ZC3H11A: variants seen among roughly 807,000 people sequenced by gnomAD.
ZC3H11A encodes the protein zinc finger CCCH-type containing 11A.
In ZC3H11A, 22 loss-of-function variants were observed where a neutral mutation model predicts 90.8. The observed-to-expected ratio is 0.24, with a 90% CI of 0.17 to 0.35. The LOEUF is 0.35. Ranked by LOEUF, ZC3H11A falls within the 10% of genes least tolerant of loss-of-function variation. The pLI is 1.00. For missense variants in ZC3H11A, 701 were observed against 964.9 expected, an observed-to-expected ratio of 0.73 and a Z score of 3.62; for synonymous variants, 294 against 339.8, an observed-to-expected ratio of 0.87 and a Z score of 1.48.
At chr1:203,830,878 C>T (rs1682035420) in intron 8 of ZC3H11A, among the ~76,000 whole-genome samples, 1 of 139,126 alleles carries the variant, frequency 7.2e-6, no homozygotes, top group South Asian at 2.3e-4. Context: ...CTAGGATTTT[C>T]TTCTGGAGCT....
intron 2 of ZC3H11A, among the ~76,000 whole-genome samples, chr1:203,810,329 A>G (rs747735280): frequency 1.3e-5 from 2 of 151,956 alleles, no homozygotes; most frequent in African/African-American, 2.4e-5. Context: ...TGAAAGTTAC[A>G]GAAGCTTAGT....
chr1:203,822,042 C>T (rs1254021151), intron 4 of ZC3H11A, among the ~76,000 whole-genome samples: 1 of 152,042 alleles, frequency 6.6e-6, no homozygotes, highest in Non-Finnish European at 1.5e-5. Flanking sequence ...CAGGTGTGAG[C>T]CACCGTGCCT....
intron 2 of ZC3H11A, among the ~76,000 whole-genome samples, chr1:203,812,930 T>C (rs1675011936): frequency 6.6e-6 from 1 of 152,202 alleles, no homozygotes; most frequent in Non-Finnish European, 1.5e-5. Flanking sequence ...TGATGCATGA[T>C]GTTGGGCAAG....
intron 1 of ZC3H11A, chr1:203,796,477 C>G (rs556616966): frequency 2.5e-6 from 1 of 399,038 alleles, no homozygotes; most frequent in Non-Finnish European, 4.4e-6. Context: ...ATGAAGAACA[C>G]CCCTAAACTC....
chr1:203,840,349 T>C lies in ZC3H11A; in HGVS notation c.1017T>C (p.Ala339=). ...TTAAGGAGCGATTAGGCATGTCAGCTGATCCAGATAATGAGGATGCAACAG... is the reference window on the plus strand; with the variant it reads ...TTAAGGAGCGATTAGGCATGTCAGCCGATCCAGATAATGAGGATGCAACAG... ...KSLKERLGMS[A]DPDNEDATDK... Residue 339 remains alanine, a synonymous_variant, in exon 12 of 18, where the codon GCT becomes GCC. Coordinates refer to ENST00000367210, the MANE Select transcript of ZC3H11A (RefSeq NM_001376342.1). The C allele has an allele frequency of 6.2e-7, 1 of 1,613,384 alleles. No individual in the cohort carries two copies. The highest frequency in any genetic ancestry group is 1.7e-5 in the Admixed American group (1 of 59,978).
intron 4 of ZC3H11A, among the ~76,000 whole-genome samples, chr1:203,826,113 T>C (rs1680429459): frequency 1.3e-5 from 2 of 152,216 alleles, no homozygotes; most frequent in African/African-American, 4.8e-5. Flanking sequence ...AAAGGAAGAA[T>C]TGAATAATTG....
rs1370941882 is a variant in ZC3H11A at position 203,818,759 on chromosome 1, A to G, written c.174+70A>G. ...TGGTGGGCCAATAAAAAATATAGGG[A>G]CAAAAGTGACTTTTAAAAAATATAT... On this transcript the variant is annotated intron_variant, in intron 4 of 17. Transcript: ENST00000367210. The G allele has an allele frequency of 5.0e-6, 8 of 1,605,376 alleles. No individual in the cohort carries two copies. The Admixed American group carries it at 6.8e-5, about 14-fold the overall frequency.
rs147188154 is a variant in ZC3H11A, at chr1:203,796,098, C to T, written c.-1588+304C>T. 5.6e-5 allele frequency: 11 copies of T among 194,720 alleles called. No homozygotes were observed. In the East Asian group the frequency reaches 1.2e-3, roughly 21 times the overall value. The allele number at this position is 194,720 out of a possible 1,614,324, so 12.1% of individuals were successfully genotyped here. On this transcript the variant is annotated intron_variant, in intron 1 of 17. Coordinates refer to ENST00000367210, the MANE Select transcript of ZC3H11A (RefSeq NM_001376342.1). ...CAGCCAACCTTCCTCCCCTCCCCCA[C>T]ATCCGGTGTTCGCTAATCTCGAGGA...
chr1:203,799,218 T>G, intron 1 of ZC3H11A: 1 of 944,244 alleles, frequency 1.1e-6, no homozygotes, highest in Non-Finnish European at 1.7e-6. Flanking sequence ...TTCTGACAAT[T>G]CCTCTAATGT....
rs540991633 is a variant in ZC3H11A at position 203,831,618 on chromosome 1, T to C, written c.701-43T>C. On this transcript the variant is annotated intron_variant, in intron 8 of 17. Coordinates refer to ENST00000367210, the MANE Select transcript of ZC3H11A (RefSeq NM_001376342.1). ...AATTTTTTGACTTGGGATAGCATTATTTTCCATAAATTATTTGCTGTTCTT... is the reference window on the plus strand; with the variant it reads ...AATTTTTTGACTTGGGATAGCATTACTTTCCATAAATTATTTGCTGTTCTT... The C allele has an allele frequency of 6.4e-5, 99 of 1,555,244 alleles. 1 individual carries two copies. The South Asian group carries it at 1.0e-3, about 16-fold the overall frequency.
intron 4 of ZC3H11A, among the ~76,000 whole-genome samples, chr1:203,823,772 T>C (rs557596475): frequency 6.6e-6 from 1 of 152,366 alleles, no homozygotes; most frequent in South Asian, 2.1e-4. Flanking sequence ...CAGAATTGCT[T>C]ATTGTAGCAA....
At chr1:203,846,012 C>T (rs549367936) in intron 12 of ZC3H11A, among the ~76,000 whole-genome samples, 12 of 149,636 alleles carry the variant, frequency 8.0e-5, no homozygotes, top group Non-Finnish European at 1.0e-4. Flanking sequence ...TATGGTGGCT[C>T]ACACCTGTAA....
rs766515684 is a variant in ZC3H11A at position 203,817,137 on chromosome 1, A to G, written c.54+13A>G. 1.9e-6 allele frequency: 3 copies of G among 1,590,154 alleles called. No homozygotes were observed. The Admixed American group carries it at 5.3e-5, about 28-fold the overall frequency. On this transcript the variant is annotated intron_variant, in intron 3 of 17. Coordinates refer to ENST00000367210, the MANE Select transcript of ZC3H11A (RefSeq NM_001376342.1). ...CACATGTACCAAAGTAAGAATTGAC[A>G]TCTTTAAATCAGTTCTTTCTACAAT...
At chr1:203,815,789 G>A (rs976856950) in intron 2 of ZC3H11A, among the ~76,000 whole-genome samples, 8 of 152,126 alleles carry the variant, frequency 5.3e-5, no homozygotes, top group African/African-American at 1.7e-4. Flanking sequence ...ATTTCAAGTT[G>A]TAGATCACTA....
chr1:203,829,389 AT>A, intron 5 of ZC3H11A, 61 bp from the exon 6 acceptor site: 1 of 1,570,266 alleles, frequency 6.4e-7, no homozygotes, highest in Non-Finnish European at 8.8e-7. Flanking sequence ...GTGGTCAGGA[AT>A]TTTTGGTAAG....
At chr1:203,836,236 TTC>T (rs1684282159) in intron 10 of ZC3H11A, among the ~76,000 whole-genome samples, 1 of 152,180 alleles carries the variant, frequency 6.6e-6, no homozygotes, top group South Asian at 2.1e-4. Context: ...TAATTAAAAG[TTC>T]TTAAAATATA....
intron 3 of ZC3H11A, 65 bp from the exon 4 acceptor site, chr1:203,818,505 T>C: frequency 6.2e-7 from 1 of 1,604,422 alleles, no homozygotes; most frequent in Non-Finnish European, 8.5e-7. Flanking sequence ...GGAGCTCTTG[T>C]TATGGATATT....
At chr1:203,809,144 A>G (rs1224464636) in intron 2 of ZC3H11A, among the ~76,000 whole-genome samples, 4 of 96,764 alleles carry the variant, frequency 4.1e-5, no homozygotes, top group South Asian at 3.3e-4. Flanking sequence ...TTTTCTTATT[A>G]TTTTTGAAGC....
chr1:203,814,023 T>TC (rs1675408661), intron 2 of ZC3H11A, among the ~76,000 whole-genome samples: 1 of 152,018 alleles, frequency 6.6e-6, no homozygotes, highest in Non-Finnish European at 1.5e-5. Flanking sequence ...ATTTTCAAGT[T>TC]CAGATTCTTT....
Sources: gnomAD v4.1 joint callset for allele counts (sites outside exome capture counted in the v4.1 genomes callset) on GRCh38, gnomAD v4.1.1 for gene constraint, MANE v1.5 for transcripts, NCBI Gene and HGNC (gene_info 2026-07-23, HGNC 2026-07-21) for gene names.